The following OPCML variants were observed in gnomAD, a reference collection of about 807,000 sequenced individuals.
OPCML encodes opioid-binding protein/cell adhesion molecule.
OPCML carries 13 observed loss-of-function variants against 37.8 expected under a neutral mutation model. That is an observed-to-expected ratio of 0.34 (90% CI 0.22 to 0.55). The LOEUF (loss-of-function observed/expected upper bound fraction) is 0.55. Ranked by LOEUF, OPCML falls within the 20% of genes least tolerant of loss-of-function variation. The pLI, the probability that OPCML is intolerant of heterozygous loss-of-function variation, is 0.91. For missense variants in OPCML, 341 were observed against 435.6 expected (o/e 0.78, Z 1.93); for synonymous variants, 176 against 168.8 (o/e 1.04, Z -0.33).
intron 3 of OPCML, among the ~76,000 whole-genome samples, chr11:132,561,381 G>A (rs2096410376): frequency 6.6e-6 from 1 of 152,150 alleles, no homozygotes; most frequent in Admixed American, 6.5e-5. Context: ...AGGCTCTTTA[G>A]GATGATAAAA....
intron 1 of OPCML, chr11:133,300,592 G>A (rs942092796): frequency 1.3e-5 from 2 of 152,168 alleles, no homozygotes; most frequent in Non-Finnish European, 2.9e-5. Context: ...TTAAAAGATG[G>A]GAATCGTGTG....
chr11:132,584,911 G>A (rs1416661374), intron 3 of OPCML, among the ~76,000 whole-genome samples: 1 of 152,170 alleles, frequency 6.6e-6, no homozygotes, highest in African/African-American at 2.4e-5. Context: ...GTAAGGTATG[G>A]AAGCAGCTGG....
chr11:132,986,060 G>A (rs1205878318), intron 1 of OPCML, among the ~76,000 whole-genome samples: 1 of 152,054 alleles, frequency 6.6e-6, no homozygotes, highest in Admixed American at 6.6e-5. Context: ...TCTTTCTCTA[G>A]CAAACTGTCA....
At chr11:132,500,806 T>A (rs185252083) in intron 4 of OPCML, among the ~76,000 whole-genome samples, 4 of 152,168 alleles carry the variant, frequency 2.6e-5, no homozygotes, top group Non-Finnish European at 5.9e-5. Flanking sequence ...CATGTGGTGT[T>A]TGGTTTTCTG....
Position 133,426,331 on chromosome 11 carries a change from A to G in OPCML, c.61+105933T>C, listed in dbSNP as rs1946001537. The stretch of plus-strand genomic sequence containing the variant: ...ACTAGCAGCTCCTGATGTTATCTCT[A>G]TCAACTTTCTACAAAAATGTTTATT... On this transcript the variant is annotated intron_variant, in intron 1 of 7. Coordinates refer to ENST00000524381, the MANE Select transcript of OPCML (RefSeq NM_001012393.5). 2.0e-5 allele frequency among the ~76,000 whole-genome samples: 3 copies of G among 152,256 alleles called. No homozygotes were observed. The South Asian group carries it at 6.2e-4, about 32-fold the overall frequency.
chr11:133,522,608 T>A (rs1948416343), intron 1 of OPCML, among the ~76,000 whole-genome samples: 1 of 152,142 alleles, frequency 6.6e-6, no homozygotes, highest in Non-Finnish European at 1.5e-5. Context: ...GTCAAGGTTA[T>A]AGGTCCGTTT....
chr11:133,009,709 C>T (rs1321798032), intron 1 of OPCML, among the ~76,000 whole-genome samples: 1 of 152,142 alleles, frequency 6.6e-6, no homozygotes, highest in African/African-American at 2.4e-5. Context: ...AGACTAGGTC[C>T]CTCACATGCG....
At chr11:132,875,961 C>T (rs1403381169) in intron 2 of OPCML, among the ~76,000 whole-genome samples, 6 of 152,194 alleles carry the variant, frequency 3.9e-5, no homozygotes, top group African/African-American at 1.4e-4. Context: ...TCAGAGTTTG[C>T]ACTTAAGAAG....
At position 133,215,139 on chromosome 11, in the gene OPCML, G is replaced by A. The variant is rs190247832; in HGVS notation, c.62-272129C>T. On this transcript the variant is annotated intron_variant, in intron 1 of 7. Coordinates refer to ENST00000524381, the MANE Select transcript of OPCML (RefSeq NM_001012393.5). Reference sequence around the variant, plus strand: ...GCAGCTGTAAACCAGGGAACTGGACGTCCTTCCTTCCAGGCTTATGGTTCT... The same window carrying A: ...GCAGCTGTAAACCAGGGAACTGGACATCCTTCCTTCCAGGCTTATGGTTCT... Among the ~76,000 whole-genome samples, 47 of 152,218 alleles carry A rather than the reference G, an allele frequency of 3.1e-4. 1 individual carries two copies. The South Asian group carries it at 6.4e-3, about 21-fold the overall frequency.
intron 2 of OPCML, among the ~76,000 whole-genome samples, chr11:132,801,380 A>T (rs925038495): frequency 2.0e-5 from 3 of 152,118 alleles, no homozygotes; most frequent in African/African-American, 7.2e-5. Context: ...CCATTTTATG[A>T]CTTTTTTACC....
At chr11:132,581,774 C>T (rs1243309313) in intron 3 of OPCML, among the ~76,000 whole-genome samples, 1 of 152,036 alleles carries the variant, frequency 6.6e-6, no homozygotes, top group Non-Finnish European at 1.5e-5. Flanking sequence ...AGAAACTGGG[C>T]TGCTTCTGCT....
chr11:132,950,438 T>C (rs1368299220), intron 1 of OPCML, among the ~76,000 whole-genome samples: 5 of 152,154 alleles, frequency 3.3e-5, no homozygotes, highest in Non-Finnish European at 7.3e-5. Flanking sequence ...GTAATGAGGA[T>C]GATGCCAGAA....
chr11:132,994,239 C>G (rs559347501), intron 1 of OPCML, among the ~76,000 whole-genome samples: 1 of 152,280 alleles, frequency 6.6e-6, no homozygotes, highest in South Asian at 2.1e-4. Context: ...GGAGCCGGCG[C>G]GCGCGGGAGC....
intron 2 of OPCML, among the ~76,000 whole-genome samples, chr11:132,791,577 C>A (rs956025145): frequency 1.3e-4 from 20 of 152,132 alleles, no homozygotes; most frequent in African/African-American, 4.8e-4. Context: ...TAGAGGCTGA[C>A]CTCTTTTGAC....
rs550196334 is a variant in OPCML at position 133,128,976 on chromosome 11, G to A, written c.62-185966C>T. The stretch of plus-strand genomic sequence containing the variant: ...CAGAATATCTACAGCAATCATCTTC[G>A]AGGCCCTGAACATCAGGTGATGAGA... On this transcript the variant is annotated intron_variant, in intron 1 of 7. Transcript: ENST00000524381. Among the ~76,000 whole-genome samples the A allele has an allele frequency of 3.9e-5, 6 of 152,230 alleles. No individual in the cohort carries two copies. In the East Asian group the frequency reaches 7.7e-4, roughly 20 times the overall value.
chr11:132,871,800 T>C (rs922051807), intron 2 of OPCML, among the ~76,000 whole-genome samples: 1 of 152,182 alleles, frequency 6.6e-6, no homozygotes, highest in Non-Finnish European at 1.5e-5. Context: ...TCCAGAAGAG[T>C]AATCATTCTC....
At chr11:133,207,590 A>G (rs796625032) in intron 1 of OPCML, among the ~76,000 whole-genome samples, 5 of 152,160 alleles carry the variant, frequency 3.3e-5, no homozygotes, top group African/African-American at 9.7e-5. Flanking sequence ...CGGTTGGGCT[A>G]GGGTTAGCAG....
chr11:133,195,756 A>G (rs1242929529), intron 1 of OPCML, among the ~76,000 whole-genome samples: 4 of 152,184 alleles, frequency 2.6e-5, no homozygotes, highest in Non-Finnish European at 4.4e-5. Flanking sequence ...TATAAGCTCT[A>G]TAAGGACTAG....
chr11:133,004,901 C>G, intron 1 of OPCML: 1 of 985,418 alleles, frequency 1.0e-6, no homozygotes, highest in Non-Finnish European at 1.2e-6. Flanking sequence ...GTATCCCTCA[C>G]TAGCTTCTGT....
Sources: allele counts gnomAD v4.1 joint callset (sites outside exome capture counted in the v4.1 genomes callset), GRCh38; gene constraint gnomAD v4.1.1; transcripts MANE v1.5; gene names NCBI Gene and HGNC (gene_info 2026-07-23, HGNC 2026-07-21).